The following GOSR2 variants were observed in gnomAD, a reference collection of about 807,000 sequenced individuals.
GOSR2 encodes the protein golgi SNAP receptor complex member 2.
Under a neutral mutation model 27.9 loss-of-function variants are expected in GOSR2, and 20 were observed. The ratio of observed to expected loss-of-function variants is 0.72; its 90% CI spans 0.50 to 1.04. The LOEUF (loss-of-function observed/expected upper bound fraction) is 1.04. Ranked by LOEUF, GOSR2 falls within the 50% of genes least tolerant of loss-of-function variation. The pLI, the probability that GOSR2 is intolerant of heterozygous loss-of-function variation, is 0.00. For synonymous variants in GOSR2, 91 were observed against 98.8 expected, an observed-to-expected ratio of 0.92 and a Z score of 0.47; for missense variants, 261 against 270.5, an observed-to-expected ratio of 0.97 and a Z score of 0.25.
chr17:46,927,219 A>G (rs954070664), intron 1 of GOSR2, among the ~76,000 whole-genome samples: 4 of 152,200 alleles, frequency 2.6e-5, no homozygotes, highest in African/African-American at 9.6e-5. Flanking sequence ...CATTTAAAAA[A>G]AATGCCTTGT....
At chr17:46,966,395 A>G (rs1172514026) in intron 6 of GOSR2, 1 of 557,106 alleles carries the variant, frequency 1.8e-6, no homozygotes, top group Non-Finnish European at 3.2e-6. Flanking sequence ...AGGCCCTCAG[A>G]TACCTGGTCC....
intron 5 of GOSR2, chr17:46,935,867 T>C (rs2088236503): frequency 1.0e-6 from 1 of 985,994 alleles, no homozygotes; most frequent in Non-Finnish European, 1.2e-6. Flanking sequence ...TCAACCCTGA[T>C]GGATAATAGG....
At position 46,951,522 on chromosome 17, in the gene GOSR2, G is replaced by T. The variant is rs528957301; in HGVS notation, c.583+12818G>T. ...TCCTGGGAGGTGCCTTTTAACTGGC[G>T]TAGCCCTTGAAAACGACCATATAAT... On this transcript the variant is annotated intron_variant, in intron 6 of 6. Transcript: ENST00000573224. Among the ~76,000 whole-genome samples, 6 of 152,274 alleles carry T rather than the reference G, an allele frequency of 3.9e-5. No homozygotes were observed. The South Asian group carries it at 8.3e-4, about 21-fold the overall frequency.
chr17:46,967,818 G>T (rs570277539), downstream of GOSR2, among the ~76,000 whole-genome samples: 3 of 152,268 alleles, frequency 2.0e-5, no homozygotes, highest in South Asian at 6.2e-4. Context: ...GTGAAGGAAA[G>T]ATAAAGAGGG....
chr17:46,950,267 C>G lies in GOSR2; in HGVS notation c.583+11563C>G, dbSNP rs143289336. On this transcript the variant is annotated intron_variant, in intron 6 of 6. Transcript: ENST00000573224. ...ATTCTTGGGTCTTCTTCCCTCCATACTGGTCCCCAGAGAGTGTGGACTCTC... is the reference window on the plus strand; with the variant it reads ...ATTCTTGGGTCTTCTTCCCTCCATAGTGGTCCCCAGAGAGTGTGGACTCTC... 3.9e-5 allele frequency among the ~76,000 whole-genome samples: 6 copies of G among 152,352 alleles called. No homozygotes were observed. In the East Asian group the frequency reaches 1.2e-3, roughly 29 times the overall value.
intron 6 of GOSR2, among the ~76,000 whole-genome samples, chr17:46,947,782 T>G (rs1236111469): frequency 6.6e-6 from 1 of 152,212 alleles, no homozygotes; most frequent in African/African-American, 2.4e-5. Flanking sequence ...TTTTTTTTCT[T>G]TTTGAGATGG....
chr17:46,959,326 A>G (rs937600933), intron 6 of GOSR2, among the ~76,000 whole-genome samples: 3 of 152,234 alleles, frequency 2.0e-5, no homozygotes, highest in South Asian at 2.1e-4. Flanking sequence ...TTGGAGTAAC[A>G]TAAATCCAAC....
At position 46,939,405 on chromosome 17, in the gene GOSR2, T is replaced by C. The variant is rs545114578; in HGVS notation, c.*645T>C. On this transcript the variant is annotated 3_prime_UTR_variant, in exon 6 of 6. Coordinates refer to ENST00000640051, the MANE Select transcript of GOSR2 (RefSeq NM_004287.5). ...CCACACTACAGCTGGGTGTTTCTCT[T>C]TTCTAAAGTGAGGCCAGTGTTATTT... is the stretch of plus-strand genomic sequence containing the variant. 16 of 994,982 alleles carry C rather than the reference T, an allele frequency of 1.6e-5. No individual in the cohort carries two copies. The South Asian group carries it at 6.2e-4, about 39-fold the overall frequency. 61.6% of individuals were successfully genotyped at this position (994,982 alleles called of 1,614,324 possible).
Position 46,939,091 on chromosome 17 carries a change from C to A in GOSR2, c.*331C>A. On this transcript the variant is annotated 3_prime_UTR_variant, in exon 6 of 6. Coordinates refer to ENST00000640051, the MANE Select transcript of GOSR2 (RefSeq NM_004287.5). ...GATGCGTGCCCTGGGAAGGTGTCCA[C>A]AGTGAGCCCTGTGTGCAGGACTGTC... The A allele has an allele frequency of 1.6e-6, 2 of 1,213,802 alleles. No homozygotes were observed. The highest frequency in any genetic ancestry group is 3.1e-5 in the South Asian group (2 of 64,946). 75.2% of individuals were successfully genotyped at this position (1,213,802 alleles called of 1,614,324 possible).
intron 6 of GOSR2, among the ~76,000 whole-genome samples, chr17:46,962,284 G>A (rs1036695780): frequency 5.3e-5 from 8 of 151,308 alleles, no homozygotes; most frequent in Non-Finnish European, 1.2e-4. Flanking sequence ...AGCCGAGATT[G>A]CGCCACTGCA....
downstream of GOSR2, among the ~76,000 whole-genome samples, chr17:46,970,830 A>G (rs2091384931): frequency 6.6e-6 from 1 of 152,244 alleles, no homozygotes; most frequent in South Asian, 2.1e-4. Flanking sequence ...GTCATCATAC[A>G]CTGATAAGTG....
intron 6 of GOSR2, among the ~76,000 whole-genome samples, chr17:46,950,855 C>T (rs1394828870): frequency 6.6e-6 from 1 of 152,182 alleles, no homozygotes. Flanking sequence ...TTGGGGACCA[C>T]CAAGCCAGAC....
At chr17:46,965,898 T>C (rs1412041560) in intron 6 of GOSR2, among the ~76,000 whole-genome samples, 1 of 152,004 alleles carries the variant, frequency 6.6e-6, no homozygotes, top group African/African-American at 2.4e-5. Context: ...CCCAAAGTGC[T>C]GGGATTACAG....
In GOSR2 at chr17:46,936,666, T is replaced by C. The variant is rs1344173948; in HGVS notation, c.477+1497T>C. The C allele has an allele frequency of 4.1e-6, 4 of 984,964 alleles. No individual in the cohort carries two copies. The East Asian group carries it at 4.5e-4, about 112-fold the overall frequency. The allele number at this position is 984,964 out of a possible 1,614,324, so 61.0% of individuals were successfully genotyped here. On this transcript the variant is annotated intron_variant, in intron 5 of 5. Coordinates refer to ENST00000640051, the MANE Select transcript of GOSR2 (RefSeq NM_004287.5). ...ATACATTTTTTGAAATTTATGGTCA[T>C]TTTCAAGTGATTTAGAAGGTTGATC... is the stretch of plus-strand genomic sequence containing the variant.
At chr17:46,966,793 G>A (rs371466382) in exon 7 of GOSR2, 7 of 428,652 alleles carry the variant, frequency 1.6e-5, no homozygotes, top group Non-Finnish European at 4.1e-6. Flanking sequence ...AGAATTATTT[G>A]ATGTGGCCGA....
chr17:46,939,249 C>T lies in GOSR2; in HGVS notation c.*489C>T. 9.6e-7 allele frequency: 1 copy of T among 1,041,926 alleles called. No individual in the cohort carries two copies. Among genetic ancestry groups the T allele is most frequent in the South Asian group, 3.6e-5 (1 of 27,886 alleles). 64.5% of individuals were successfully genotyped at this position (1,041,926 alleles called of 1,614,324 possible). ...TAGTAGGTCGATTCACATCCTCGTG[C>T]TCCTGGCCACCCTCCCCTGTGCCTC... On this transcript the variant is annotated 3_prime_UTR_variant, in exon 6 of 6. Coordinates refer to ENST00000640051, the MANE Select transcript of GOSR2 (RefSeq NM_004287.5).
At chr17:46,923,620 T>A in intron 1 of GOSR2, 1 of 1,244,276 alleles carries the variant, frequency 8.0e-7, no homozygotes, top group Non-Finnish European at 1.0e-6. Context: ...TACTGTTTAA[T>A]TGGAGAGTCA....
intron 6 of GOSR2, among the ~76,000 whole-genome samples, chr17:46,957,108 A>G (rs1437586908): frequency 6.6e-6 from 1 of 152,176 alleles, no homozygotes; most frequent in Non-Finnish European, 1.5e-5. Context: ...CAGGAGTTCA[A>G]AACCATCCTG....
At chr17:46,936,256 T>G (rs2088324372) in intron 5 of GOSR2, 2 of 985,236 alleles carry the variant, frequency 2.0e-6, no homozygotes, top group South Asian at 4.7e-5. Flanking sequence ...TTTTCATATC[T>G]CAGAAAAACA....
Sources: allele counts gnomAD v4.1 joint callset (sites outside exome capture counted in the v4.1 genomes callset), GRCh38; gene constraint gnomAD v4.1.1; transcripts MANE v1.5; gene names NCBI Gene and HGNC (gene_info 2026-07-23, HGNC 2026-07-21).